Variants in GIGYF2 observed in about 807,000 individuals in gnomAD.
GIGYF2 encodes the protein GRB10 interacting GYF protein 2.
GIGYF2 carries 25 observed loss-of-function variants against 208.1 expected under a neutral mutation model. That is an observed-to-expected ratio of 0.12 (90% CI 0.09 to 0.17). The LOEUF is 0.17. Ranked by LOEUF, GIGYF2 falls within the 10% of genes least tolerant of loss-of-function variation. The probability of loss-of-function intolerance (pLI) is 1.00; values close to 1 mark genes in which losing one functional copy is unlikely to be tolerated. For missense variants in GIGYF2, 1,302 were observed against 1,579.4 expected (o/e 0.82, Z 2.98); for synonymous variants, 534 against 543.8 (o/e 0.98, Z 0.25).
chr2:232,830,277 C>T (rs975442892), intron 21 of GIGYF2, among the ~76,000 whole-genome samples: 2 of 152,188 alleles, frequency 1.3e-5, no homozygotes, highest in African/African-American at 4.8e-5. Flanking sequence ...ACCACTGGGC[C>T]TGGCTCAGTA....
At chr2:232,853,475 A>G (rs1690436178) in intron 28 of GIGYF2, among the ~76,000 whole-genome samples, 1 of 152,176 alleles carries the variant, frequency 6.6e-6, no homozygotes, top group Non-Finnish European at 1.5e-5. Context: ...GGGTTTCACC[A>G]TGTTGGCCCG....
intron 23 of GIGYF2, among the ~76,000 whole-genome samples, chr2:232,842,205 G>A (rs1028005669): frequency 2.0e-5 from 3 of 151,778 alleles, no homozygotes; most frequent in Non-Finnish European, 4.4e-5. Flanking sequence ...GGCTTCTCCT[G>A]TTAGAGACAG....
At position 232,819,978 on chromosome 2, in the gene GIGYF2, G is replaced by C; in HGVS notation, c.2522G>C (p.Arg841Pro). Residue 841 changes from arginine to proline, a missense_variant, in exon 21 of 29, where the codon CGC becomes CCC. Transcript: ENST00000373563. The part of the protein sequence containing the change: ...EERRKQEELL[R>P]KQEEEAAKWA... The stretch of plus-strand genomic sequence containing the variant: ...AGGCGGAAGCAGGAAGAATTGTTAC[G>C]CAAACAGGTGACCAGATGGTTTTGT... The C allele has an allele frequency of 6.2e-7, 1 of 1,612,410 alleles. No individual in the cohort carries two copies. Among genetic ancestry groups the C allele is most frequent in the Middle Eastern group, 1.7e-4 (1 of 6,060 alleles).
intron 14 of GIGYF2, among the ~76,000 whole-genome samples, chr2:232,797,247 T>G (rs143704106): frequency 5.8e-4 from 89 of 152,344 alleles, no homozygotes; most frequent in African/African-American, 1.9e-3. Context: ...TGTTGATTCT[T>G]CATTTCTGCT....
intron 2 of GIGYF2, among the ~76,000 whole-genome samples, chr2:232,728,366 C>A (rs1458053027): frequency 6.6e-6 from 1 of 152,078 alleles, no homozygotes; most frequent in Non-Finnish European, 1.5e-5. Context: ...GAGGCCCAGT[C>A]AGGGAAGCAA....
At chr2:232,715,019 G>A (rs1574782677) in intron 2 of GIGYF2, among the ~76,000 whole-genome samples, 1 of 152,272 alleles carries the variant, frequency 6.6e-6, no homozygotes, top group South Asian at 2.1e-4. Context: ...CCACTTTTAA[G>A]TGAGAACATG....
intron 8 of GIGYF2, chr2:232,761,705 T>A: frequency 3.3e-6 from 1 of 301,568 alleles, no homozygotes; most frequent in Non-Finnish European, 6.2e-6. Flanking sequence ...CTAACTCTTT[T>A]TCTAGTGTAG....
intron 15 of GIGYF2, among the ~76,000 whole-genome samples, chr2:232,808,076 A>T (rs138905645): frequency 1.0e-3 from 153 of 152,316 alleles, no homozygotes; most frequent in African/African-American, 3.6e-3. Flanking sequence ...TGTTGATCTT[A>T]ACCCAGTATT....
chr2:232,827,565 G>A (rs1044521230), intron 21 of GIGYF2, among the ~76,000 whole-genome samples: 4 of 152,164 alleles, frequency 2.6e-5, no homozygotes, highest in Non-Finnish European at 5.9e-5. Flanking sequence ...TTTTATGCTT[G>A]GTTGGTAGCA....
intron 9 of GIGYF2, among the ~76,000 whole-genome samples, chr2:232,789,562 C>G (rs1209851062): frequency 6.6e-6 from 1 of 152,034 alleles, no homozygotes. Flanking sequence ...GAGTGTGGGA[C>G]TAAGATTTCT....
At chr2:232,802,561 A>T (rs1700429105) in intron 14 of GIGYF2, among the ~76,000 whole-genome samples, 2 of 152,096 alleles carry the variant, frequency 1.3e-5, no homozygotes, top group African/African-American at 4.8e-5. Flanking sequence ...GATGCCTTGA[A>T]CCATCCTTGC....
intron 3 of GIGYF2, among the ~76,000 whole-genome samples, chr2:232,738,116 C>T (rs1697817431): frequency 6.6e-6 from 1 of 151,856 alleles, no homozygotes; most frequent in African/African-American, 2.4e-5. Flanking sequence ...GGGGTTTCAC[C>T]ATGTTGGCCA....
chr2:232,697,659 G>T (rs554003610), intron 1 of GIGYF2, among the ~76,000 whole-genome samples: 7 of 152,248 alleles, frequency 4.6e-5, no homozygotes, highest in African/African-American at 1.4e-4. Flanking sequence ...GCGAGGAGCC[G>T]AGAAGCCCCT....
chr2:232,776,607 GC>G (rs1212317443), intron 8 of GIGYF2: 2 of 662,620 alleles, frequency 3.0e-6, no homozygotes, highest in Non-Finnish European at 5.5e-6. Flanking sequence ...TGTTGTGGGG[GC>G]TGGTTTCAGC....
chr2:232,856,907 G>C lies in GIGYF2; in HGVS notation c.*47G>C, dbSNP rs1690599775. ...ATCCCTCTCCTGTCTGCCGACTATG[G>C]AGTCTCCACCTTTGGACACAACACT... On this transcript the variant is annotated 3_prime_UTR_variant, in exon 29 of 29. Coordinates refer to ENST00000373563, the MANE Select transcript of GIGYF2 (RefSeq NM_001103146.3). 2.4e-6 allele frequency: 3 copies of C among 1,264,600 alleles called. No homozygotes were observed. The highest frequency in any genetic ancestry group is 3.5e-6 in the Non-Finnish European group (3 of 860,492). 78.3% of individuals were successfully genotyped at this position (1,264,600 alleles called of 1,614,324 possible).
intron 3 of GIGYF2, among the ~76,000 whole-genome samples, chr2:232,741,739 T>C: frequency 6.6e-6 from 1 of 152,162 alleles, no homozygotes; most frequent in Non-Finnish European, 1.5e-5. Context: ...CCACTGTGCC[T>C]GGCCCCTGGC....
chr2:232,772,268 T>G (rs770188558), intron 8 of GIGYF2, among the ~76,000 whole-genome samples: 25 of 152,130 alleles, frequency 1.6e-4, no homozygotes, highest in Non-Finnish European at 2.6e-4. Flanking sequence ...TGCAACCATG[T>G]TCGTGGATTC....
chr2:232,790,801 C>T lies in GIGYF2; in HGVS notation c.816C>T (p.Arg272=). 6.2e-7 allele frequency: 1 copy of T among 1,614,068 alleles called. No individual in the cohort carries two copies. Among genetic ancestry groups the T allele is most frequent in the East Asian group, 2.2e-5 (1 of 44,876 alleles). Reference sequence around the variant, plus strand: ...ATGAACGGGGTTACCGAAGGGTTCGCTCTGGCAGTGGGAGCATAGATGATG... The same window carrying T: ...ATGAACGGGGTTACCGAAGGGTTCGTTCTGGCAGTGGGAGCATAGATGATG... ...RDDERGYRRV[R]SGSGSIDDDR... is the part of the protein sequence containing the mutation. The change falls in exon 10 of 29, where the codon CGC becomes CGT. Residue 272 remains arginine, a synonymous_variant. Transcript: ENST00000373563.
In GIGYF2 at chr2:232,705,080, C is replaced by T. The variant is rs375977593; in HGVS notation, c.-44+1591C>T. On this transcript the variant is annotated intron_variant, in intron 2 of 28. Coordinates refer to ENST00000373563, the MANE Select transcript of GIGYF2 (RefSeq NM_001103146.3). ...TTCACCGTGTTAGCCAGGATGGTCT[C>T]GATCTCCTGACCTCGTGATCCGCCT... Among the ~76,000 whole-genome samples, 59 of 150,726 alleles carry T rather than the reference C, an allele frequency of 3.9e-4. 1 individual carries two copies. Among genetic ancestry groups the T allele is most frequent in the African/African-American group, 1.1e-3 (46 of 41,092 alleles).
Sources: gnomAD v4.1 joint callset for allele counts (sites outside exome capture counted in the v4.1 genomes callset) on GRCh38, gnomAD v4.1.1 for gene constraint, MANE v1.5 for transcripts, NCBI Gene and HGNC (gene_info 2026-07-23, HGNC 2026-07-21) for gene names.